Variants in DOP1B observed in about 807,000 individuals in gnomAD.
The protein encoded by DOP1B is protein DOP1B.
In DOP1B, 174 loss-of-function variants were observed where a neutral mutation model predicts 233.5. The observed-to-expected ratio is 0.75, with a 90% CI of 0.66 to 0.85. The LOEUF (loss-of-function observed/expected upper bound fraction) is 0.85, where lower values mean the gene tolerates loss of function less well. Among genes scored for constraint, DOP1B ranks in the 40% least tolerant of loss-of-function variants. The probability of loss-of-function intolerance (pLI) is 0.00; values close to 1 mark genes in which losing one functional copy is unlikely to be tolerated. For synonymous variants in DOP1B, 1,190 were observed against 1,185.6 expected (o/e 1.00, Z -0.08); for missense variants, 2,652 against 2,846.6 (o/e 0.93, Z 1.56).
chr21:36,182,206 C>G (rs750018944), intron 2 of DOP1B, among the ~76,000 whole-genome samples: 3 of 152,130 alleles, frequency 2.0e-5, no homozygotes, highest in African/African-American at 4.8e-5. Context: ...TTCAGACTCA[C>G]CATTTCTGAG....
At position 36,278,100 on chromosome 21, in the gene DOP1B, C is replaced by T; in HGVS notation, c.5822+16C>T. On this transcript the variant is annotated intron_variant, in intron 29 of 36. Coordinates refer to ENST00000691173, the MANE Select transcript of DOP1B (RefSeq NM_001320714.2). ...GCAACCACAGGTAACGTCATCTTCG[C>T]CATTTCTTCCCACCCATATGCAGAA... The T allele has an allele frequency of 1.2e-6, 2 of 1,613,374 alleles. No homozygotes were observed. The highest frequency in any genetic ancestry group is 2.2e-5 in the South Asian group (2 of 91,064).
intron 2 of DOP1B, chr21:36,169,415 GC>G: frequency 1.1e-6 from 1 of 943,920 alleles, no homozygotes. Flanking sequence ...AGGATGCCAT[GC>G]CCCAATCCAG....
chr21:36,228,850 A>C (rs1162072358), intron 13 of DOP1B, among the ~76,000 whole-genome samples: 1 of 152,296 alleles, frequency 6.6e-6, no homozygotes, highest in East Asian at 1.9e-4. Context: ...GTTCACCTGT[A>C]GTTCCATCTA....
At chr21:36,231,710 C>T (rs2066767235) in intron 14 of DOP1B, among the ~76,000 whole-genome samples, 1 of 145,162 alleles carries the variant, frequency 6.9e-6, no homozygotes, top group South Asian at 2.1e-4. Context: ...CAGGGTCTGG[C>T]TCTGTTGCCC....
At chr21:36,168,693 A>AT (rs1342940465) in intron 2 of DOP1B, among the ~76,000 whole-genome samples, 1 of 151,756 alleles carries the variant, frequency 6.6e-6, no homozygotes, top group Non-Finnish European at 1.5e-5. Context: ...TGCCTGGCTA[A>AT]TTTTTTATTT....
chr21:36,233,964 C>T (rs2066796945), intron 15 of DOP1B, among the ~76,000 whole-genome samples: 1 of 152,152 alleles, frequency 6.6e-6, no homozygotes, highest in African/African-American at 2.4e-5. Flanking sequence ...AGCAATTCTC[C>T]TGCCTCAGCC....
At chr21:36,173,152 C>A (rs1471718083) in intron 2 of DOP1B, among the ~76,000 whole-genome samples, 1 of 151,974 alleles carries the variant, frequency 6.6e-6, no homozygotes, top group Non-Finnish European at 1.5e-5. Flanking sequence ...TAGCAAAATT[C>A]TTTATAATAC....
At position 36,275,704 on chromosome 21, in the gene DOP1B, A is replaced by C. The variant is rs1189459244; in HGVS notation, c.5633-1317A>C. Among the ~76,000 whole-genome samples the C allele has an allele frequency of 3.3e-5, 5 of 152,170 alleles. No individual in the cohort carries two copies. In the East Asian group the frequency reaches 9.7e-4, roughly 29 times the overall value. ...ATGTGGTAGCATCAAGTCCCTTGAG[A>C]GATTCATGGTCATGACATAAAGTAA... is the stretch of plus-strand genomic sequence containing the variant. On this transcript the variant is annotated intron_variant, in intron 27 of 36. Transcript: ENST00000691173.
intron 4 of DOP1B, among the ~76,000 whole-genome samples, chr21:36,206,878 T>C (rs2835317): frequency 0.34 from 51,804 of 152,092 alleles, 9,097 homozygotes; most frequent in African/African-American, 0.44. Flanking sequence ...ATTACTTATG[T>C]CTCTTCATTT....
Position 36,260,743 on chromosome 21 carries a change from C to T in DOP1B, c.5315+11C>T, listed in dbSNP as rs547578593. ...TGCTTTTCTCCAAAGGTAATACAGT[C>T]CCCCGTCCTCCAAAAACTTCCTTAA... On this transcript the variant is annotated intron_variant, in intron 24 of 36. Transcript: ENST00000691173. The T allele has an allele frequency of 1.2e-6, 2 of 1,613,540 alleles. No individual in the cohort carries two copies. Among genetic ancestry groups the T allele is most frequent in the Admixed American group, 3.3e-5 (2 of 59,856 alleles).
At chr21:36,257,656 A>G (rs1475184725) in intron 23 of DOP1B, among the ~76,000 whole-genome samples, 1 of 117,780 alleles carries the variant, frequency 8.5e-6, no homozygotes, top group Non-Finnish European at 1.8e-5. Context: ...AGTTAGGTAA[A>G]TAGATAGATG....
intron 26 of DOP1B, 40 bp from the exon 27 acceptor site, chr21:36,269,973 T>C (rs775228135): frequency 8.7e-6 from 14 of 1,609,276 alleles, no homozygotes; most frequent in Non-Finnish European, 1.0e-5. Flanking sequence ...ATTCTTTTCC[T>C]TAATTAACTT....
chr21:36,262,453 A>G (rs906034854), intron 24 of DOP1B, among the ~76,000 whole-genome samples: 24 of 152,214 alleles, frequency 1.6e-4, no homozygotes, highest in Admixed American at 1.6e-3. Context: ...CGGTGATCTC[A>G]GAATCCTCAT....
rs1380122559 is a variant in DOP1B at position 36,208,722 on chromosome 21, G to A, written c.499G>A (p.Ala167Thr). 1 of 1,613,056 alleles carries A rather than the reference G, an allele frequency of 6.2e-7. No individual in the cohort carries two copies. The highest frequency in any genetic ancestry group is 1.3e-5 in the African/African-American group (1 of 74,846). The change falls in exon 5 of 37, where the codon GCT (alanine) becomes ACT (threonine). Residue 167 changes from alanine (A) to threonine (T), a missense_variant. By Grantham distance (58) the Ala-to-Thr change is moderately conservative (BLOSUM62 0). Transcript: ENST00000691173. ...EGSEISDRTD[A>T]LLLRLSLVVG... Reference sequence around the variant, plus strand: ...ATCCTCTCTCATCAACAGAACGGATGCTCTGCTCCTGAGACTGTCGCTGGT... The same window carrying A: ...ATCCTCTCTCATCAACAGAACGGATACTCTGCTCCTGAGACTGTCGCTGGT...
rs532545454 is a variant in DOP1B at position 36,183,502 on chromosome 21, C to T, written c.139-15568C>T. ...TGTTTCTTCTGCAGGCTGACGTGGACGTACTTGTCTGTTGACAGTAAAGGT... is the reference window on the plus strand; with the variant it reads ...TGTTTCTTCTGCAGGCTGACGTGGATGTACTTGTCTGTTGACAGTAAAGGT... On this transcript the variant is annotated intron_variant, in intron 2 of 36. Coordinates refer to ENST00000691173, the MANE Select transcript of DOP1B (RefSeq NM_001320714.2). Among the ~76,000 whole-genome samples, 63 of 152,320 alleles carry T rather than the reference C, an allele frequency of 4.1e-4. 1 individual carries two copies. The highest frequency in any genetic ancestry group is 1.4e-3 in the African/African-American group (60 of 41,576).
rs1486779704 is a variant in DOP1B at position 36,239,996 on chromosome 21, G to A, written c.3067+41G>A. ...AGGACCCGAGGGTGAGGGAGGAATG[G>A]GTGGGGGGACTGGACCTCAGCAGTG... On this transcript the variant is annotated intron_variant, in intron 18 of 36. Coordinates refer to ENST00000691173, the MANE Select transcript of DOP1B (RefSeq NM_001320714.2). 1.1e-5 allele frequency: 17 copies of A among 1,569,540 alleles called. 1 individual carries two copies. The African/African-American group carries it at 1.6e-4, about 15-fold the overall frequency.
intron 28 of DOP1B, 119 bp from the exon 29 acceptor site, chr21:36,277,856 G>A: frequency 1.3e-6 from 1 of 749,468 alleles, no homozygotes. Flanking sequence ...TGGCCAGACT[G>A]GTCTCAAACT....
chr21:36,289,008 A>G, intron 34 of DOP1B, 37 bp from the exon 35 acceptor site: 1 of 1,605,740 alleles, frequency 6.2e-7, no homozygotes, highest in Non-Finnish European at 8.5e-7. Flanking sequence ...ACAGATCTGA[A>G]TGAATTTATA....
intron 10 of DOP1B, among the ~76,000 whole-genome samples, chr21:36,220,079 T>C (rs573252198): frequency 2.0e-5 from 3 of 152,150 alleles, no homozygotes; most frequent in Non-Finnish European, 4.4e-5. Context: ...GTTTTGTTTG[T>C]TTATTTTGTT....
Sources: allele counts gnomAD v4.1 joint callset (sites outside exome capture counted in the v4.1 genomes callset), GRCh38; gene constraint gnomAD v4.1.1; transcripts MANE v1.5; gene names NCBI Gene and HGNC (gene_info 2026-07-23, HGNC 2026-07-21).